ATP12A: variants seen among roughly 807,000 people sequenced by gnomAD.
ATP12A encodes the protein potassium-transporting ATPase alpha chain 2.
In ATP12A, 81 loss-of-function variants were observed where a neutral mutation model predicts 111.2. The ratio of observed to expected loss-of-function variants is 0.73; its 90% confidence interval spans 0.61 to 0.88. ATP12A has a LOEUF of 0.88. ATP12A is among the 40% of genes least tolerant of loss of function. ATP12A has a pLI of 0.00. For missense variants in ATP12A, 1,196 were observed against 1,313.1 expected (o/e 0.91, Z 1.38); for synonymous variants, 498 against 499.8 (o/e 1.00, Z 0.05).
intron 8 of ATP12A, 108 bp from the exon 9 acceptor site, chr13:24,692,321 C>T (rs971823179): frequency 8.1e-7 from 1 of 1,230,676 alleles, no homozygotes; most frequent in Admixed American, 2.1e-5. Flanking sequence ...TAAAACTAGT[C>T]CAGCTCTCTC....
chr13:24,701,501 CAAAAA>C (rs10586421), intron 13 of ATP12A, among the ~76,000 whole-genome samples: 2 of 101,388 alleles, frequency 2.0e-5, no homozygotes, highest in South Asian at 3.3e-4. Flanking sequence ...AACTCTGTCT[CAAAAA>C]AAAAAAAAAA....
intron 3 of ATP12A, among the ~76,000 whole-genome samples, chr13:24,687,397 G>T (rs761265491): frequency 5.5e-4 from 84 of 152,274 alleles, no homozygotes; most frequent in Non-Finnish European, 1.0e-3. Context: ...CCAGGAGGAG[G>T]AGGTTGCAGT....
At chr13:24,689,478 T>C in intron 5 of ATP12A, 103 bp downstream of exon 5, 1 of 969,374 alleles carries the variant, frequency 1.0e-6, no homozygotes. Context: ...TTCCACTTCC[T>C]TCCCTGTCGG....
intron 2 of ATP12A, among the ~76,000 whole-genome samples, chr13:24,683,188 C>G (rs569125687): frequency 6.6e-6 from 1 of 152,290 alleles, no homozygotes; most frequent in East Asian, 1.9e-4. Context: ...GAACTCCTGA[C>G]CTCAGATGAT....
At position 24,707,282 on chromosome 13, in the gene ATP12A, G is replaced by T. The variant is rs143679413; in HGVS notation, c.2342G>T (p.Arg781Leu). The change falls in exon 17 of 23, where the codon CGC (arginine) becomes CTC (leucine). Residue 781 changes from arginine to leucine, a missense_variant. Physicochemically the swap from Arg to Leu is moderately radical, Grantham distance 102 (BLOSUM62 -2). Transcript: ENST00000381946. The stretch of plus-strand genomic sequence containing the variant: ...AAGGAGAAACCTCTCTGCCTAGGTC[G>T]CCTGATCTTTGACAACCTCAAGAAG... ...ASIVTGVEEG[R>L]LIFDNLKKTI... The T allele has an allele frequency of 6.2e-7, 1 of 1,614,028 alleles. No homozygotes were observed. The highest frequency in any genetic ancestry group is 1.1e-5 in the South Asian group (1 of 91,074).
chr13:24,690,767 T>G, intron 7 of ATP12A, 46 bp downstream of exon 7: 1 of 1,556,190 alleles, frequency 6.4e-7, no homozygotes, highest in East Asian at 2.2e-5. Flanking sequence ...CTGTGTCCTT[T>G]CTCCCTCCTG....
Position 24,710,815 on chromosome 13 carries a change from T to C in ATP12A, c.2921T>C (p.Ile974Thr). 1 of 1,614,196 alleles carries C rather than the reference T, an allele frequency of 6.2e-7. No homozygotes were observed. The highest frequency in any genetic ancestry group is 8.5e-7 in the Non-Finnish European group (1 of 1,180,024). Residue 974 changes from isoleucine (I) to threonine (T), a missense_variant, in exon 21 of 23, where the codon ATC (isoleucine) becomes ACC (threonine). Physicochemically the swap from Ile to Thr is moderately conservative, Grantham distance 89. Around this residue, in one of 3 missense-constraint regions of ATP12A, gnomAD observed 1,126 missense variants for 1,228.5 expected, o/e 0.92. Coordinates refer to ENST00000381946, the MANE Select transcript of ATP12A (RefSeq NM_001676.7). The part of the protein sequence containing the change: ...LFRNKVIWVG[I>T]TSQIIIGLIL... Reference sequence around the variant, plus strand: ...AGAAATAAAGTCATCTGGGTGGGGATCACCTCACAGATCATCATTGGTCTG... The same window carrying C: ...AGAAATAAAGTCATCTGGGTGGGGACCACCTCACAGATCATCATTGGTCTG...
At chr13:24,692,918 G>A in intron 10 of ATP12A, 22 bp downstream of exon 10, 2 of 1,602,816 alleles carry the variant, frequency 1.2e-6, no homozygotes, top group East Asian at 2.2e-5. Flanking sequence ...GCAGCACTTG[G>A]TCTTAAATCA....
intron 12 of ATP12A, among the ~76,000 whole-genome samples, chr13:24,699,116 G>T (rs544935213): frequency 6.6e-6 from 1 of 152,258 alleles, no homozygotes; most frequent in Admixed American, 6.5e-5. Flanking sequence ...CATTTGAGGG[G>T]AGATAGGGGA....
At position 24,690,591 on chromosome 13, in the gene ATP12A, A is replaced by G. The variant is rs1874848136; in HGVS notation, c.682-13A>G. On this transcript the variant is annotated splice_polypyrimidine_tract_variant and intron_variant, in intron 6 of 22. Transcript: ENST00000381946. ...GGTACCCAGCTGTGAACCACCTTCA[A>G]CATTTCTTCTAGGTGGATAACTCAT... 1 of 1,607,694 alleles carries G rather than the reference A, an allele frequency of 6.2e-7. No individual in the cohort carries two copies.
At position 24,680,495 on chromosome 13, in the gene ATP12A, T is replaced by G; in HGVS notation, c.-249T>G. 2.2e-6 allele frequency: 1 copy of G among 459,660 alleles called. No individual in the cohort carries two copies. 28.5% of individuals were successfully genotyped at this position (459,660 alleles called of 1,614,324 possible). ...GTTTCCTACCCTCCGAGGCGTCCGC[T>G]GGCCTGCGCCCTGGCGGGGACGTGG... is the stretch of plus-strand genomic sequence containing the variant. On this transcript the variant is annotated 5_prime_UTR_variant, in exon 1 of 23. Transcript: ENST00000381946.
chr13:24,702,697 A>G (rs1004911620), intron 14 of ATP12A, among the ~76,000 whole-genome samples: 34 of 152,224 alleles, frequency 2.2e-4, no homozygotes, highest in African/African-American at 8.0e-4. Context: ...TGCCAACTAT[A>G]TACCAGGCAA....
chr13:24,702,750 C>T (rs976195956), intron 14 of ATP12A, among the ~76,000 whole-genome samples: 4 of 152,132 alleles, frequency 2.6e-5, no homozygotes, highest in African/African-American at 9.7e-5. Context: ...CTATCCACAC[C>T]GTTGGGGAAT....
At chr13:24,700,203 C>G (rs1875334095) in intron 12 of ATP12A, among the ~76,000 whole-genome samples, 1 of 152,202 alleles carries the variant, frequency 6.6e-6, no homozygotes, top group African/African-American at 2.4e-5. Flanking sequence ...TGGCCTTTCT[C>G]TTGGGCTTAT....
chr13:24,708,900 GGAAAGAAAGAAAGAAAGAAAGAAA>G lies in ATP12A; in HGVS notation c.2494-424_2494-401del, dbSNP rs764913574. 7.5e-3 allele frequency among the ~76,000 whole-genome samples: 487 copies of G among 65,176 alleles called. 8 individuals carry two copies. The highest frequency in any genetic ancestry group is 0.024 in the African/African-American group (469 of 19,462). The allele number at this position is 65,176 out of a possible 152,430, so 42.8% of individuals were successfully genotyped here. On this transcript the variant is annotated intron_variant, in intron 17 of 22. Coordinates refer to ENST00000381946, the MANE Select transcript of ATP12A (RefSeq NM_001676.7). The stretch of plus-strand genomic sequence containing the variant: ...AGAGAGAGAAAGAGAAAGAAAGAAA[GGAAAGAAAGAAAGAAAGAAAGAAA>G]GAAAGAAAGAAAGAAAGAAAGAAAG...
chr13:24,680,535 A>T lies in ATP12A; in HGVS notation c.-209A>T. The T allele has an allele frequency of 1.9e-6, 1 of 524,028 alleles. No individual in the cohort carries two copies. Among genetic ancestry groups the T allele is most frequent in the Non-Finnish European group, 3.2e-6 (1 of 313,832 alleles). 32.5% of individuals were successfully genotyped at this position (524,028 alleles called of 1,614,324 possible). A position where few individuals can be genotyped will look rare whatever the true frequency, so the allele number is the denominator to read the frequency against. On this transcript the variant is annotated 5_prime_UTR_variant, in exon 1 of 23. Coordinates refer to ENST00000381946, the MANE Select transcript of ATP12A (RefSeq NM_001676.7). ...CGGGGACGTGGGCGGGGCGGGCGGC[A>T]TTTAAGGCTGGTGCCACCTCCCCGG...
chr13:24,704,636 T>C (rs112068706), intron 14 of ATP12A: 1 of 178,356 alleles, frequency 5.6e-6, no homozygotes, highest in Non-Finnish European at 1.2e-5. Context: ...TGGGCATGGA[T>C]GGAACTGTGC....
chr13:24,690,623 C>T lies in ATP12A; in HGVS notation c.701C>T (p.Thr234Met), dbSNP rs140525021. The T allele has an allele frequency of 3.5e-4, 558 of 1,612,322 alleles. 3 individuals are homozygous for T. The highest frequency in any genetic ancestry group is 5.7e-4 in the South Asian group (52 of 90,828). Residue 234 changes from threonine to methionine, a missense_variant, in exon 7 of 23, where the codon ACG becomes ATG. Transcript: ENST00000381946. ...TTCTAGGTGGATAACTCATCTCTCA[C>T]GGGGGAGTCTGAGCCCCAGCCCCGC... is the stretch of plus-strand genomic sequence containing the variant. ...QGCRVDNSSL[T>M]GESEPQPRSS...
At chr13:24,710,655 T>G (rs1875926956) in intron 20 of ATP12A, 62 bp downstream of exon 20, 1 of 1,610,840 alleles carries the variant, frequency 6.2e-7, no homozygotes, top group South Asian at 1.1e-5. Flanking sequence ...ATGATGATGA[T>G]TTGTTTTTCA....
Sources: allele counts gnomAD v4.1 joint callset (sites outside exome capture counted in the v4.1 genomes callset), GRCh38; gene constraint gnomAD v4.1.1; regional missense constraint gnomAD v4.1.1; transcripts MANE v1.5; gene names NCBI Gene and HGNC (gene_info 2026-07-23, HGNC 2026-07-21).